Variants in C6orf58 observed in about 807,000 individuals in gnomAD.
C6orf58 encodes the protein protein LEG1 homolog.
C6orf58 carries 30 observed loss-of-function variants against 37.0 expected under a neutral mutation model. The ratio of observed to expected loss-of-function variants is 0.81; its 90% CI spans 0.61 to 1.10. The LOEUF is 1.10. C6orf58 is among the 50% of genes least tolerant of loss of function. C6orf58 has a pLI of 0.00. For synonymous variants in C6orf58, 143 were observed against 134.1 expected, an observed-to-expected ratio of 1.07 and a Z score of -0.46; for missense variants, 368 against 387.5, an observed-to-expected ratio of 0.95 and a Z score of 0.42.
rs755751852 is a variant in C6orf58 at position 127,581,298 on chromosome 6, T to C, written c.674+16T>C. Reference sequence around the variant, plus strand: ...TTGAAGACAGGTAAGAATGAATCTTTAAAGTATCTCTATTTAATATGATAA... The same window carrying C: ...TTGAAGACAGGTAAGAATGAATCTTCAAAGTATCTCTATTTAATATGATAA... On this transcript the variant is annotated intron_variant, in intron 4 of 5. Coordinates refer to ENST00000329722, the MANE Select transcript of C6orf58 (RefSeq NM_001010905.3). 6.0e-6 allele frequency: 7 copies of C among 1,159,070 alleles called. No individual in the cohort carries two copies. The highest frequency in any genetic ancestry group is 2.5e-5 in the East Asian group (1 of 39,592). The allele number at this position is 1,159,070 out of a possible 1,614,324, so 71.8% of individuals were successfully genotyped here. A position where few individuals can be genotyped will look rare whatever the true frequency, so the allele number is the denominator to read the frequency against.
chr6:127,580,507 G>T, intron 3 of C6orf58, 58 bp downstream of exon 3: 2 of 1,405,706 alleles, frequency 1.4e-6, no homozygotes, highest in African/African-American at 2.9e-5. Context: ...ATATAATTTC[G>T]TCTAGGATTT....
At chr6:127,578,081 C>G (rs1417260141) in intron 1 of C6orf58, among the ~76,000 whole-genome samples, 1 of 151,998 alleles carries the variant, frequency 6.6e-6, no homozygotes, top group Non-Finnish European at 1.5e-5. Flanking sequence ...GTTGCCCACT[C>G]CCTGCTGATG....
At chr6:127,586,802 T>C (rs1441529480) in intron 4 of C6orf58, among the ~76,000 whole-genome samples, 1 of 152,226 alleles carries the variant, frequency 6.6e-6, no homozygotes, top group Non-Finnish European at 1.5e-5. Flanking sequence ...TCATTTACAC[T>C]TATATCCTGT....
At position 127,590,198 on chromosome 6, in the gene C6orf58, C is replaced by T. The variant is rs532390887; in HGVS notation, c.786C>T (p.Phe262=). ...CAACCTTGATTAGATCATATAAGTT[C>T]CAGAAGGGCATGCCACCACGAATTC... ...FPTTLIRSYK[F]QKGMPPRILL... The change falls in exon 5 of 6, where the codon TTC becomes TTT. Residue 262 remains phenylalanine, a synonymous_variant. Transcript: ENST00000329722. 11 of 1,613,568 alleles carry T rather than the reference C, an allele frequency of 6.8e-6. No homozygotes were observed. Among genetic ancestry groups the T allele is most frequent in the Non-Finnish European group, 8.5e-7 (1 of 1,179,750 alleles).
chr6:127,587,305 G>A (rs549644606), intron 4 of C6orf58, among the ~76,000 whole-genome samples: 3 of 152,198 alleles, frequency 2.0e-5, no homozygotes, highest in East Asian at 1.9e-4. Context: ...ATTGGGATCA[G>A]TTCAGAATAT....
At chr6:127,590,913 G>C (rs1278782476) in intron 5 of C6orf58, among the ~76,000 whole-genome samples, 1 of 151,986 alleles carries the variant, frequency 6.6e-6, no homozygotes, top group Non-Finnish European at 1.5e-5. Context: ...CTGAAGCATT[G>C]AGCCAAATTT....
Position 127,580,373 on chromosome 6 carries a change from G to C in C6orf58, c.497G>C (p.Arg166Thr), listed in dbSNP as rs1208730886. The change falls in exon 3 of 6, where the codon AGG (arginine) becomes ACG (threonine). Residue 166 changes from arginine (R) to threonine (T), a missense_variant. Arg to Thr is a moderately conservative substitution (Grantham distance 71). Transcript: ENST00000329722. ...VRLLPPPKNE[R>T]KFCYDVSSCR... ...CTTTTGCCCCCACCCAAGAATGAGA[G>C]GAAGTTTTGTTATGATGTTTCTAGC... 2 of 1,613,006 alleles carry C rather than the reference G, an allele frequency of 1.2e-6. No homozygotes were observed. Among genetic ancestry groups the C allele is most frequent in the Non-Finnish European group, 1.7e-6 (2 of 1,179,334 alleles).
chr6:127,584,148 C>T (rs1272846909), intron 4 of C6orf58, among the ~76,000 whole-genome samples: 1 of 152,192 alleles, frequency 6.6e-6, no homozygotes, highest in Non-Finnish European at 1.5e-5. Flanking sequence ...ATTGTTATAG[C>T]ATTTGCCTTC....
chr6:127,577,769 T>C (rs1235932202), intron 1 of C6orf58, among the ~76,000 whole-genome samples: 1 of 152,084 alleles, frequency 6.6e-6, no homozygotes, highest in Non-Finnish European at 1.5e-5. Flanking sequence ...TCACAAATAT[T>C]TGTTGAAGTT....
At chr6:127,586,569 G>A (rs981775939) in intron 4 of C6orf58, among the ~76,000 whole-genome samples, 1 of 152,222 alleles carries the variant, frequency 6.6e-6, no homozygotes, top group African/African-American at 2.4e-5. Context: ...ACACTTGTGG[G>A]GAAGGTTGGA....
chr6:127,589,095 TC>T (rs1310409638), intron 4 of C6orf58, among the ~76,000 whole-genome samples: 3 of 152,348 alleles, frequency 2.0e-5, no homozygotes, highest in African/African-American at 7.2e-5. Flanking sequence ...ATGTATCTTT[TC>T]TATGTTGCTG....
At position 127,590,315 on chromosome 6, in the gene C6orf58, T is replaced by C; in HGVS notation, c.903T>C (p.Asp301=). Residue 301 remains aspartate (D), a synonymous_variant, in exon 5 of 6, where the codon GAT becomes GAC. Coordinates refer to ENST00000329722, the MANE Select transcript of C6orf58 (RefSeq NM_001010905.3). ...TTCTAAATATGCTTGACAATGTGGA[T>C]AAATCTATAGGTAAGAACCTTAAAA... The part of the protein sequence containing the change: ...LVLLNMLDNV[D]KSIGYLCTEK... 1 of 1,595,084 alleles carries C rather than the reference T, an allele frequency of 6.3e-7. No individual in the cohort carries two copies. The highest frequency in any genetic ancestry group is 1.3e-5 in the African/African-American group (1 of 74,668).
intron 5 of C6orf58, 129 bp from the exon 6 acceptor site, chr6:127,591,414 G>T: frequency 3.5e-6 from 3 of 856,098 alleles, no homozygotes; most frequent in Non-Finnish European, 4.9e-6. Flanking sequence ...ACTTTTCTTT[G>T]TATAATTTAT....
chr6:127,588,821 C>T (rs1052821098), intron 4 of C6orf58, among the ~76,000 whole-genome samples: 2 of 152,110 alleles, frequency 1.3e-5, no homozygotes, highest in South Asian at 2.1e-4. Flanking sequence ...TGTTACTAGA[C>T]CTCTGTGGCC....
chr6:127,588,173 C>G lies in C6orf58; in HGVS notation c.675-1914C>G, dbSNP rs559691823. ...CCCGTCTCATTCTACATCAGACAAGCCTGGTTGTTTTCCATAATGATGGCA... is the reference window on the plus strand; with the variant it reads ...CCCGTCTCATTCTACATCAGACAAGGCTGGTTGTTTTCCATAATGATGGCA... On this transcript the variant is annotated intron_variant, in intron 4 of 5. Transcript: ENST00000329722. 5.3e-5 allele frequency among the ~76,000 whole-genome samples: 8 copies of G among 152,226 alleles called. 1 individual carries two copies. The highest frequency in any genetic ancestry group is 1.9e-4 in the African/African-American group (8 of 41,542).
intron 4 of C6orf58, among the ~76,000 whole-genome samples, chr6:127,584,696 C>T (rs1324421636): frequency 6.6e-6 from 1 of 151,600 alleles, no homozygotes; most frequent in African/African-American, 2.4e-5. Context: ...ATTGCTTGAA[C>T]CCGGGAGGCA....
chr6:127,590,070 T>C lies in C6orf58; in HGVS notation c.675-17T>C. The C allele has an allele frequency of 6.4e-7, 1 of 1,557,494 alleles. No individual in the cohort carries two copies. Among genetic ancestry groups the C allele is most frequent in the South Asian group, 1.1e-5 (1 of 88,444 alleles). Reference sequence around the variant, plus strand: ...GGTGACTAATTATAATTAAATACTTTTCCGTTTGTCTTTTAGATATGATTA... The same window carrying C: ...GGTGACTAATTATAATTAAATACTTCTCCGTTTGTCTTTTAGATATGATTA... On this transcript the variant is annotated splice_polypyrimidine_tract_variant and intron_variant, in intron 4 of 5. Transcript: ENST00000329722.
rs1270108356 is a variant in C6orf58, at chr6:127,591,808, C to T, written c.*186C>T. The T allele has an allele frequency of 2.7e-6, 1 of 376,368 alleles. No homozygotes were observed. Among genetic ancestry groups the T allele is most frequent in the Non-Finnish European group, 4.5e-6 (1 of 223,802 alleles). 23.3% of individuals were successfully genotyped at this position (376,368 alleles called of 1,614,324 possible). A position where few individuals can be genotyped will look rare whatever the true frequency, so the allele number is the denominator to read the frequency against. ...ATTAAAAACTTAAATTAAATGCATT[C>T]AAGTTAAAATAATGATTATTTTGCT... On this transcript the variant is annotated 3_prime_UTR_variant, in exon 6 of 6. Transcript: ENST00000329722.
intron 2 of C6orf58, among the ~76,000 whole-genome samples, chr6:127,579,412 A>G (rs9482826): frequency 0.36 from 55,339 of 151,894 alleles, 11,984 homozygotes; most frequent in East Asian, 0.93. Context: ...ATGTATCCTT[A>G]AGCATTTTCC....
Sources: allele counts gnomAD v4.1 joint callset (sites outside exome capture counted in the v4.1 genomes callset), GRCh38; gene constraint gnomAD v4.1.1; transcripts MANE v1.5; gene names NCBI Gene and HGNC (gene_info 2026-07-23, HGNC 2026-07-21).